The following AOAH variants were observed in gnomAD, a reference collection of about 807,000 sequenced individuals.
AOAH encodes the protein acyloxyacyl hydrolase (neutrophil).
In AOAH, 64 loss-of-function variants were observed where a neutral mutation model predicts 92.2. The ratio of observed to expected loss-of-function variants is 0.69; its 90% CI spans 0.57 to 0.86. The LOEUF (loss-of-function observed/expected upper bound fraction) is 0.86, where lower values mean the gene tolerates loss of function less well. AOAH is among the 40% of genes least tolerant of loss of function. The pLI, the probability that AOAH is intolerant of heterozygous loss-of-function variation, is 0.00. For synonymous variants in AOAH, 263 were observed against 254.5 expected (o/e 1.03, Z -0.32); for missense variants, 656 against 694.6 (o/e 0.94, Z 0.62).
chr7:36,716,458 C>G (rs1388309262), intron 1 of AOAH, among the ~76,000 whole-genome samples: 2 of 149,520 alleles, frequency 1.3e-5, no homozygotes, highest in Admixed American at 1.3e-4. Flanking sequence ...TTTGACCCAG[C>G]CATCCCATTA....
At chr7:36,561,498 TC>T (rs1418438202) in intron 13 of AOAH, among the ~76,000 whole-genome samples, 1 of 152,132 alleles carries the variant, frequency 6.6e-6, no homozygotes, top group African/African-American at 2.4e-5. Context: ...GAGTGAGTGC[TC>T]CCTGTTGTCC....
intron 10 of AOAH, 60 bp from the exon 11 acceptor site, chr7:36,616,534 T>TACTTGA: frequency 6.9e-7 from 1 of 1,439,242 alleles, no homozygotes; most frequent in Non-Finnish European, 9.7e-7. Context: ...ACCTCCAGAC[T>TACTTGA]GGGTAGATAT....
chr7:36,556,258 A>G (rs1178772528), intron 13 of AOAH, among the ~76,000 whole-genome samples: 19 of 151,852 alleles, frequency 1.3e-4, no homozygotes, highest in Middle Eastern at 3.4e-3. Context: ...AGTCATTCAG[A>G]AGCAGGTTGT....
chr7:36,545,427 G>A (rs577171017), intron 15 of AOAH, among the ~76,000 whole-genome samples: 1 of 152,244 alleles, frequency 6.6e-6, no homozygotes, highest in South Asian at 2.1e-4. Context: ...TCTATCATCT[G>A]AATAAATAGC....
chr7:36,717,727 A>C (rs377285081), intron 1 of AOAH, among the ~76,000 whole-genome samples: 10 of 122,772 alleles, frequency 8.1e-5, no homozygotes, highest in South Asian at 5.2e-4. Flanking sequence ...TTCTCTTCTT[A>C]TTTTTTTTTT....
chr7:36,683,613 G>C (rs1796781549), intron 2 of AOAH, among the ~76,000 whole-genome samples: 1 of 152,148 alleles, frequency 6.6e-6, no homozygotes, highest in Non-Finnish European at 1.5e-5. Context: ...GTAATGATTG[G>C]AGATTTTAAT....
At chr7:36,643,330 G>GT (rs1483275617) in intron 4 of AOAH, among the ~76,000 whole-genome samples, 1 of 152,170 alleles carries the variant, frequency 6.6e-6, no homozygotes, top group East Asian at 1.9e-4. Context: ...CAAGAATGAA[G>GT]TAAGCCTGAA....
At chr7:36,632,621 G>A (rs1793205170) in intron 5 of AOAH, among the ~76,000 whole-genome samples, 1 of 152,172 alleles carries the variant, frequency 6.6e-6, no homozygotes, top group Non-Finnish European at 1.5e-5. Flanking sequence ...GGCTCCAGAT[G>A]TGGGCTACAC....
chr7:36,568,839 C>T (rs1316540061), intron 13 of AOAH, among the ~76,000 whole-genome samples: 1 of 152,156 alleles, frequency 6.6e-6, no homozygotes, highest in African/African-American at 2.4e-5. Flanking sequence ...TCTAGGTCTG[C>T]CAGATTCTCT....
chr7:36,528,371 C>A (rs964600018), intron 19 of AOAH, among the ~76,000 whole-genome samples: 1 of 152,206 alleles, frequency 6.6e-6, no homozygotes, highest in Non-Finnish European at 1.5e-5. Flanking sequence ...CAAGAAAGGG[C>A]TGATGAGGCC....
chr7:36,648,115 C>T (rs1375781097), intron 4 of AOAH, among the ~76,000 whole-genome samples: 1 of 152,004 alleles, frequency 6.6e-6, no homozygotes, highest in East Asian at 1.9e-4. Flanking sequence ...TACAGGTGAT[C>T]CTCCTGCCTC....
At chr7:36,704,828 G>C (rs1031976110) in intron 1 of AOAH, among the ~76,000 whole-genome samples, 1 of 152,152 alleles carries the variant, frequency 6.6e-6, no homozygotes, top group African/African-American at 2.4e-5. Flanking sequence ...GGGATGCAAG[G>C]CTGGTTCAAC....
At chr7:36,683,603 G>C (rs890250890) in intron 2 of AOAH, among the ~76,000 whole-genome samples, 1 of 152,148 alleles carries the variant, frequency 6.6e-6, no homozygotes, top group Non-Finnish European at 1.5e-5. Flanking sequence ...AGGTAAATGA[G>C]TAATGATTGG....
Position 36,513,226 on chromosome 7 carries a change from C to T in AOAH, c.*26G>A. ...CCCAAGCCTCTGCCTCCCTGTGCTC[C>T]CCAGGGGTGCATGCTCCTGAGAGGC... On this transcript the variant is annotated 3_prime_UTR_variant, in exon 21 of 21. Coordinates refer to ENST00000617537, the MANE Select transcript of AOAH (RefSeq NM_001637.4). The T allele has an allele frequency of 6.2e-7, 1 of 1,614,166 alleles. No homozygotes were observed. The highest frequency in any genetic ancestry group is 1.1e-5 in the South Asian group (1 of 91,086).
Position 36,696,595 on chromosome 7 carries a change from C to T in AOAH, c.128-9801G>A, listed in dbSNP as rs373297745. Among the ~76,000 whole-genome samples, 17 of 152,308 alleles carry T rather than the reference C, an allele frequency of 1.1e-4. No individual in the cohort carries two copies. The South Asian group carries it at 3.5e-3, about 32-fold the overall frequency. On this transcript the variant is annotated intron_variant, in intron 1 of 20. Coordinates refer to ENST00000617537, the MANE Select transcript of AOAH (RefSeq NM_001637.4). ...TAAAAAATCAAGCCAGGCGCATTGGCTCACGCCTGCAATCCCAGCACTTTG... is the reference window on the plus strand; with the variant it reads ...TAAAAAATCAAGCCAGGCGCATTGGTTCACGCCTGCAATCCCAGCACTTTG...
intron 4 of AOAH, among the ~76,000 whole-genome samples, chr7:36,640,330 C>A (rs1171031331): frequency 6.7e-6 from 1 of 148,648 alleles, no homozygotes; most frequent in Non-Finnish European, 1.5e-5. Flanking sequence ...GTAGGACCCA[C>A]AAACTAGAAA....
At chr7:36,678,549 C>CAG (rs1796404251) in intron 2 of AOAH, among the ~76,000 whole-genome samples, 1 of 77,680 alleles carries the variant, frequency 1.3e-5, no homozygotes, top group Non-Finnish European at 3.0e-5. Context: ...GTAAGATAAG[C>CAG]AGTGTGTGTG....
chr7:36,684,696 A>T (rs1796857195), intron 2 of AOAH, among the ~76,000 whole-genome samples: 1 of 151,940 alleles, frequency 6.6e-6, no homozygotes, highest in Non-Finnish European at 1.5e-5. Context: ...AGATGGACAG[A>T]TTACTTGAGG....
chr7:36,722,326 G>A (rs1375381934), intron 1 of AOAH, among the ~76,000 whole-genome samples: 1 of 152,160 alleles, frequency 6.6e-6, no homozygotes, highest in Non-Finnish European at 1.5e-5. Flanking sequence ...GGCAGAGAAA[G>A]GAATGTGTAC....
Sources: gnomAD v4.1 joint callset for allele counts (sites outside exome capture counted in the v4.1 genomes callset) on GRCh38, gnomAD v4.1.1 for gene constraint, MANE v1.5 for transcripts, NCBI Gene and HGNC (gene_info 2026-07-23, HGNC 2026-07-21) for gene names.